The following CDH2 variants were observed in gnomAD, a reference collection of about 807,000 sequenced individuals.
CDH2 encodes the protein cadherin-2.
Under a neutral mutation model 92.0 loss-of-function variants are expected in CDH2, and 17 were observed. That is an observed-to-expected ratio of 0.18 (90% CI 0.13 to 0.28). CDH2 has a LOEUF of 0.28. Among genes scored for constraint, CDH2 ranks in the 10% least tolerant of loss-of-function variants. The probability of loss-of-function intolerance (pLI) is 1.00; values close to 1 mark genes in which losing one functional copy is unlikely to be tolerated. For missense variants in CDH2, 862 were observed against 1,133.1 expected (o/e 0.76, Z 3.44); for synonymous variants, 419 against 415.9 (o/e 1.01, Z -0.09).
chr18:28,076,535 T>G (rs2014722214), intron 2 of CDH2, among the ~76,000 whole-genome samples: 1 of 151,834 alleles, frequency 6.6e-6, no homozygotes, highest in South Asian at 2.1e-4. Flanking sequence ...TTAGATACAG[T>G]TTTTTTTCCT....
intron 2 of CDH2, among the ~76,000 whole-genome samples, chr18:28,118,840 T>C (rs539310775): frequency 1.3e-5 from 2 of 152,206 alleles, no homozygotes; most frequent in African/African-American, 4.8e-5. Flanking sequence ...AAATATGAAC[T>C]CTGAACTGCT....
In CDH2 at chr18:27,933,644, G is replaced by A. The variant is rs555650263; in HGVS notation, c.1152-520C>T. Among the ~76,000 whole-genome samples the A allele has an allele frequency of 4.6e-5, 7 of 152,254 alleles. No individual in the cohort carries two copies. The South Asian group carries it at 1.5e-3, about 32-fold the overall frequency. On this transcript the variant is annotated intron_variant, in intron 6 of 6. Transcript: ENST00000675173. ...AAGTAGTCTTGAGGCCCAACATTGT[G>A]GCTTTTACTTTGAGAGATTAAACAT...
intron 2 of CDH2, among the ~76,000 whole-genome samples, chr18:28,060,344 C>A (rs1482753170): frequency 1.3e-5 from 2 of 152,046 alleles, no homozygotes; most frequent in Non-Finnish European, 2.9e-5. Context: ...TGCTACCATA[C>A]CCAGCTAATT....
At chr18:28,155,744 C>T (rs1022668161) in intron 1 of CDH2, among the ~76,000 whole-genome samples, 2 of 152,178 alleles carry the variant, frequency 1.3e-5, no homozygotes, top group African/African-American at 2.4e-5. Context: ...GAACATTCAG[C>T]ACGACTAATT....
At chr18:28,123,731 A>C (rs1408860065) in intron 2 of CDH2, among the ~76,000 whole-genome samples, 1 of 152,144 alleles carries the variant, frequency 6.6e-6, no homozygotes, top group Non-Finnish European at 1.5e-5. Context: ...CGATCTCACT[A>C]AATAAAGGGT....
intron 15 of CDH2, among the ~76,000 whole-genome samples, chr18:27,957,027 C>T (rs1362990390): frequency 6.6e-6 from 1 of 151,970 alleles, no homozygotes; most frequent in African/African-American, 2.4e-5. Context: ...CAAAGGGAAT[C>T]CCCCCAAACC....
intron 2 of CDH2, among the ~76,000 whole-genome samples, chr18:28,102,297 T>C (rs1020356301): frequency 1.3e-5 from 2 of 152,204 alleles, no homozygotes; most frequent in Non-Finnish European, 2.9e-5. Context: ...TTGGAATTGA[T>C]TGACTACAAA....
intron 2 of CDH2, among the ~76,000 whole-genome samples, chr18:28,047,093 A>G (rs576746729): frequency 6.6e-6 from 1 of 152,290 alleles, no homozygotes; most frequent in East Asian, 1.9e-4. Context: ...GATCTTCTAC[A>G]GCTTTGTAAT....
chr18:28,159,098 A>T (rs1340116834), intron 1 of CDH2: 2 of 152,258 alleles, frequency 1.3e-5, no homozygotes, highest in African/African-American at 2.4e-5. Flanking sequence ...TCCTGAGACT[A>T]AAAAGTTTGT....
At chr18:28,070,101 G>C (rs1293774675) in intron 2 of CDH2, among the ~76,000 whole-genome samples, 1 of 152,126 alleles carries the variant, frequency 6.6e-6, no homozygotes, top group African/African-American at 2.4e-5. Flanking sequence ...ATTGGGATGT[G>C]ATTTGGGAAC....
intron 2 of CDH2, among the ~76,000 whole-genome samples, chr18:28,031,215 C>T (rs1304792959): frequency 6.6e-6 from 1 of 151,802 alleles, no homozygotes; most frequent in Non-Finnish European, 1.5e-5. Context: ...TGTAGTTTCA[C>T]CCTCCACCCA....
At chr18:28,123,610 A>C (rs2144276699) in intron 2 of CDH2, among the ~76,000 whole-genome samples, 1 of 152,296 alleles carries the variant, frequency 6.6e-6, no homozygotes, top group East Asian at 1.9e-4. Flanking sequence ...GCTCATAAGA[A>C]AAAACCTCAA....
At chr18:28,026,451 A>G (rs2013555984) in intron 2 of CDH2, among the ~76,000 whole-genome samples, 1 of 152,130 alleles carries the variant, frequency 6.6e-6, no homozygotes, top group Admixed American at 6.6e-5. Flanking sequence ...GGGAGTAGGT[A>G]TAATTATAGA....
At chr18:28,176,407 G>C (rs1160856374) in intron 1 of CDH2, among the ~76,000 whole-genome samples, 2 of 152,086 alleles carry the variant, frequency 1.3e-5, no homozygotes, top group East Asian at 3.9e-4. Flanking sequence ...AAGAAGAAAA[G>C]GAGGCAACTC....
intron 14 of CDH2, among the ~76,000 whole-genome samples, chr18:27,981,083 A>T (rs145383404): frequency 6.6e-6 from 1 of 152,286 alleles, no homozygotes; most frequent in Non-Finnish European, 1.5e-5. Context: ...CAGTCCCTAT[A>T]CGAGAATTTT....
intron 2 of CDH2, among the ~76,000 whole-genome samples, chr18:28,055,592 CTG>C (rs1192637378): frequency 2.0e-5 from 3 of 152,052 alleles, no homozygotes; most frequent in African/African-American, 4.8e-5. Flanking sequence ...CTATATATGT[CTG>C]TATGTTATAT....
chr18:28,129,164 C>A (rs1183382169), intron 2 of CDH2, among the ~76,000 whole-genome samples: 1 of 152,140 alleles, frequency 6.6e-6, no homozygotes, highest in Non-Finnish European at 1.5e-5. Flanking sequence ...AATAGCTACT[C>A]CACTGAAAAT....
chr18:28,152,205 C>T (rs942219822), intron 1 of CDH2, among the ~76,000 whole-genome samples: 3 of 152,088 alleles, frequency 2.0e-5, no homozygotes, highest in Non-Finnish European at 4.4e-5. Context: ...ATGAGCAAAT[C>T]GATTCTCACA....
rs180871907 is a variant in CDH2 at position 28,137,088 on chromosome 18, A to G, written c.172+10585T>C. Among the ~76,000 whole-genome samples, 186 of 152,364 alleles carry G rather than the reference A, an allele frequency of 1.2e-3. 5 individuals are homozygous for G. The South Asian group carries it at 0.027, about 22-fold the overall frequency. On this transcript the variant is annotated intron_variant, in intron 2 of 15. Coordinates refer to ENST00000269141, the MANE Select transcript of CDH2 (RefSeq NM_001792.5). ...GCATATAAACAGCACAGAATAAGGT[A>G]GCAGTCAATTTAAAAGTTAGTACAA...
Sources: gnomAD v4.1 joint callset for allele counts (sites outside exome capture counted in the v4.1 genomes callset) on GRCh38, gnomAD v4.1.1 for gene constraint, MANE v1.5 for transcripts, NCBI Gene and HGNC (gene_info 2026-07-23, HGNC 2026-07-21) for gene names.